PDE7A: variants seen among roughly 807,000 people sequenced by gnomAD.
PDE7A encodes phosphodiesterase 7A, also known as high affinity 3',5'-cyclic-AMP phosphodiesterase 7A.
PDE7A carries 39 observed loss-of-function variants against 64.3 expected under a neutral mutation model. The ratio of observed to expected loss-of-function variants is 0.61; its 90% CI spans 0.47 to 0.79. The LOEUF (loss-of-function observed/expected upper bound fraction) is 0.79, where lower values mean the gene tolerates loss of function less well. PDE7A is among the 30% of genes least tolerant of loss of function. PDE7A has a pLI of 0.00. For synonymous variants in PDE7A, 203 were observed against 206.8 expected (o/e 0.98, Z 0.16); for missense variants, 470 against 582.8 (o/e 0.81, Z 1.99).
chr8:65,841,400 C>A lies in PDE7A; in HGVS notation c.109G>T (p.Gly37Cys), dbSNP rs771267851. The A allele has an allele frequency of 1.3e-6, 2 of 1,562,454 alleles. No individual in the cohort carries two copies. Among genetic ancestry groups the A allele is most frequent in the South Asian group, 1.2e-5 (1 of 85,766 alleles). ...GAGAGCTGCCGGGGATTGGGGCAGCCGAAGAGAGCGGAGCTGGAGCTGAAG... is the reference window on the plus strand; with the variant it reads ...GAGAGCTGCCGGGGATTGGGGCAGCAGAAGAGAGCGGAGCTGGAGCTGAAG... Reference protein sequence around the residue: ...ISFSSSSALFGCPNPRQLSQR... With the variant: ...ISFSSSSALFCCPNPRQLSQR... Residue 37 changes from glycine to cysteine, a missense_variant, in exon 1 of 13, where the codon GGC becomes TGC. By Grantham distance (159) the Gly-to-Cys change is radical. Coordinates refer to ENST00000401827, the MANE Select transcript of PDE7A (RefSeq NM_001242318.3).
At chr8:65,805,944 ACTT>A in intron 1 of PDE7A, among the ~76,000 whole-genome samples, 1 of 152,128 alleles carries the variant, frequency 6.6e-6, no homozygotes, top group East Asian at 1.9e-4. Context: ...ATTGGTGCAA[ACTT>A]CTGGAAGGTA....
chr8:65,726,770 C>T, intron 9 of PDE7A, 105 bp downstream of exon 9: 1 of 611,934 alleles, frequency 1.6e-6, no homozygotes, highest in South Asian at 2.4e-5. Flanking sequence ...ACACTGAAAA[C>T]TGTGGAACAC....
At chr8:65,779,621 G>C in intron 3 of PDE7A, 99 bp downstream of exon 3, 1 of 641,380 alleles carries the variant, frequency 1.6e-6, no homozygotes, top group Non-Finnish European at 2.7e-6. Context: ...AAACATAATA[G>C]AGTTTTTTTT....
At chr8:65,737,438 G>A (rs554961754) in intron 6 of PDE7A, among the ~76,000 whole-genome samples, 20 of 152,176 alleles carry the variant, frequency 1.3e-4, no homozygotes, top group Non-Finnish European at 2.1e-4. Flanking sequence ...AATTGTATCT[G>A]TAGAGTCACA....
chr8:65,819,325 C>T (rs1390977194), intron 1 of PDE7A, among the ~76,000 whole-genome samples: 5 of 152,130 alleles, frequency 3.3e-5, no homozygotes, highest in African/African-American at 9.7e-5. Context: ...TAAGCACGGA[C>T]GTTCAGGGTT....
intron 3 of PDE7A, among the ~76,000 whole-genome samples, chr8:65,775,624 T>A (rs1021863878): frequency 2.6e-5 from 4 of 152,214 alleles, no homozygotes; most frequent in Non-Finnish European, 5.9e-5. Flanking sequence ...CAGTTGCCTC[T>A]CTTATTTCTT....
chr8:65,827,836 C>T (rs1210109947), intron 1 of PDE7A, among the ~76,000 whole-genome samples: 6 of 152,136 alleles, frequency 3.9e-5, no homozygotes, highest in Admixed American at 6.5e-5. Context: ...GTTCACACAA[C>T]GACGAAATCG....
chr8:65,840,041 A>G (rs1811041320), intron 1 of PDE7A, among the ~76,000 whole-genome samples: 1 of 152,224 alleles, frequency 6.6e-6, no homozygotes, highest in African/African-American at 2.4e-5. Flanking sequence ...AACTACTACT[A>G]TTAAAAACCT....
intron 1 of PDE7A, among the ~76,000 whole-genome samples, chr8:65,817,756 T>G (rs1017889599): frequency 6.6e-6 from 1 of 151,034 alleles, no homozygotes; most frequent in African/African-American, 2.4e-5. Flanking sequence ...AGGAGTGTTT[T>G]TTTTTTTTTT....
chr8:65,832,094 GT>G (rs1041223546), intron 1 of PDE7A, among the ~76,000 whole-genome samples: 4 of 152,006 alleles, frequency 2.6e-5, no homozygotes, highest in Admixed American at 1.3e-4. Flanking sequence ...ATACTCTGGG[GT>G]TTTTCTTCAC....
intron 3 of PDE7A, among the ~76,000 whole-genome samples, chr8:65,769,247 CAAAAAA>C (rs61554087): frequency 4.0e-5 from 3 of 74,456 alleles, no homozygotes; most frequent in Non-Finnish European, 2.6e-5. Flanking sequence ...GACTCAGTCT[CAAAAAA>C]AAAAAAAAAA....
Position 65,739,456 on chromosome 8 carries a change from G to A in PDE7A, c.595+46C>T, listed in dbSNP as rs761675743. On this transcript the variant is annotated intron_variant, in intron 6 of 12. Coordinates refer to ENST00000401827, the MANE Select transcript of PDE7A (RefSeq NM_001242318.3). The stretch of plus-strand genomic sequence containing the variant: ...TGAGATAAAACTTAAACAGGTTCTT[G>A]TATAAATGTAAATCTTGTTACTGTT... 6 of 1,505,476 alleles carry A rather than the reference G, an allele frequency of 4.0e-6. No individual in the cohort carries two copies. The East Asian group carries it at 1.5e-4, about 38-fold the overall frequency. The allele number at this position is 1,505,476 out of a possible 1,614,324, so 93.3% of individuals were successfully genotyped here.
rs187159131 is a variant in PDE7A at position 65,727,100 on chromosome 8, A to G, written c.828+70T>C. 421 of 1,104,696 alleles carry G rather than the reference A, an allele frequency of 3.8e-4. 1 individual carries two copies. In the African/African-American group the frequency reaches 5.2e-3, roughly 14 times the overall value. The allele number at this position is 1,104,696 out of a possible 1,614,324, so 68.4% of individuals were successfully genotyped here. A position where few individuals can be genotyped will look rare whatever the true frequency, so the allele number is the denominator to read the frequency against. The stretch of plus-strand genomic sequence containing the variant: ...TTGAGAATTTATTTTCATTACTTTC[A>G]TTTCTTCAAAATATGAAAGATTTTC... On this transcript the variant is annotated intron_variant, in intron 8 of 12. Transcript: ENST00000401827.
At chr8:65,765,303 A>C (rs1034766565) in intron 3 of PDE7A, among the ~76,000 whole-genome samples, 2 of 150,990 alleles carry the variant, frequency 1.3e-5, no homozygotes, top group East Asian at 3.9e-4. Flanking sequence ...TCCCGGCTAA[A>C]ACGGTGAAAC....
intron 5 of PDE7A, 63 bp downstream of exon 5, chr8:65,745,344 G>C: frequency 1.1e-6 from 1 of 925,574 alleles, no homozygotes; most frequent in African/African-American, 1.6e-5. Flanking sequence ...CGCACCAGCG[G>C]CTGCACCATC....
chr8:65,802,169 T>C (rs1810004568), intron 1 of PDE7A, among the ~76,000 whole-genome samples: 1 of 152,152 alleles, frequency 6.6e-6, no homozygotes, highest in African/African-American at 2.4e-5. Context: ...TGCCAGAGGC[T>C]GGGGAGAGCA....
chr8:65,803,126 A>T (rs1437330013), intron 1 of PDE7A, among the ~76,000 whole-genome samples: 1 of 152,182 alleles, frequency 6.6e-6, no homozygotes, highest in Non-Finnish European at 1.5e-5. Context: ...TTTATAAATT[A>T]CTCAGACTCA....
chr8:65,791,686 G>C (rs2128926141), intron 1 of PDE7A, among the ~76,000 whole-genome samples: 1 of 152,226 alleles, frequency 6.6e-6, no homozygotes, highest in Middle Eastern at 3.4e-3. Context: ...AGATAATCAA[G>C]ACACAATTCT....
At chr8:65,814,601 T>A (rs1389316696) in intron 1 of PDE7A, among the ~76,000 whole-genome samples, 1 of 151,568 alleles carries the variant, frequency 6.6e-6, no homozygotes, top group Non-Finnish European at 1.5e-5. Flanking sequence ...TCTATCTTTA[T>A]ATGTGAACAA....
Sources: allele counts gnomAD v4.1 joint callset (sites outside exome capture counted in the v4.1 genomes callset), GRCh38; gene constraint gnomAD v4.1.1; transcripts MANE v1.5; gene names NCBI Gene and HGNC (gene_info 2026-07-23, HGNC 2026-07-21).